The following CACNB2 variants were observed in gnomAD, a reference collection of about 807,000 sequenced individuals.
The protein encoded by CACNB2 is voltage-dependent L-type calcium channel subunit beta-2.
Under a neutral mutation model 73.3 loss-of-function variants are expected in CACNB2, and 42 were observed. That is an observed-to-expected ratio of 0.57 (90% CI 0.45 to 0.74). The LOEUF (loss-of-function observed/expected upper bound fraction) is 0.74, where lower values mean the gene tolerates loss of function less well. Among genes scored for constraint, CACNB2 ranks in the 30% least tolerant of loss-of-function variants. The pLI is 0.00. For missense variants in CACNB2, 940 were observed against 853.0 expected (o/e 1.10, Z -1.27); for synonymous variants, 348 against 310.3 (o/e 1.12, Z -1.28).
intron 3 of CACNB2, among the ~76,000 whole-genome samples, chr10:18,492,575 C>G (rs543477431): frequency 7.2e-6 from 1 of 138,054 alleles, no homozygotes; most frequent in Non-Finnish European, 1.5e-5. Context: ...GCGCCAAGAT[C>G]GCACCACTTC....
chr10:18,220,142 TATATATATATATACACAC>T (rs1304205430), intron 2 of CACNB2, among the ~76,000 whole-genome samples: 1 of 38,828 alleles, frequency 2.6e-5, no homozygotes, highest in African/African-American at 3.5e-4. Flanking sequence ...TATATATATA[TATATATATATATACACAC>T]ACACACACAC....
intron 2 of CACNB2, among the ~76,000 whole-genome samples, chr10:18,338,947 C>T (rs1483463840): frequency 6.6e-6 from 1 of 151,718 alleles, no homozygotes; most frequent in Admixed American, 6.6e-5. Context: ...CCTTTGTTGC[C>T]CAGGCTGGTT....
chr10:18,494,975 G>T (rs2049702251), intron 3 of CACNB2, among the ~76,000 whole-genome samples: 1 of 152,078 alleles, frequency 6.6e-6, no homozygotes, highest in African/African-American at 2.4e-5. Flanking sequence ...AGTGCACCTT[G>T]CTTTAGTGCT....
intron 3 of CACNB2, among the ~76,000 whole-genome samples, chr10:18,411,747 A>C (rs7070430): frequency 0.65 from 99,148 of 152,012 alleles, 33,598 homozygotes; most frequent in East Asian, 0.91. Flanking sequence ...ACCTCAAGTG[A>C]TCTGCCTGCC....
chr10:18,195,822 C>T (rs2034600415), intron 2 of CACNB2, among the ~76,000 whole-genome samples: 1 of 152,224 alleles, frequency 6.6e-6, no homozygotes, highest in African/African-American at 2.4e-5. Flanking sequence ...CTGTCGCTTT[C>T]TGTGTAATGT....
chr10:18,242,111 ATG>A (rs1554775803), intron 2 of CACNB2, among the ~76,000 whole-genome samples: 47 of 6,766 alleles, frequency 6.9e-3, no homozygotes, highest in Middle Eastern at 0.045. Context: ...ATATGTATAC[ATG>A]TGTGTGTGTG....
At chr10:18,407,681 A>C (rs114185935) in intron 3 of CACNB2, among the ~76,000 whole-genome samples, 1,604 of 152,006 alleles carry the variant, frequency 0.011, 39 homozygotes, top group African/African-American at 0.036. Flanking sequence ...ATTTGATTTG[A>C]GCCTCTGTGT....
chr10:18,446,344 A>C (rs1311135307), intron 3 of CACNB2, among the ~76,000 whole-genome samples: 1 of 152,206 alleles, frequency 6.6e-6, no homozygotes, highest in East Asian at 1.9e-4. Flanking sequence ...GCAGAATTTT[A>C]AGCAAACTAA....
chr10:18,248,111 G>T (rs375449355), intron 2 of CACNB2, among the ~76,000 whole-genome samples: 1 of 152,052 alleles, frequency 6.6e-6, no homozygotes, highest in South Asian at 2.1e-4. Context: ...TCAGACCACA[G>T]TACCTACCAA....
chr10:18,289,286 TTTTTTGTTTTG>T lies in CACNB2; in HGVS notation c.214-112632_214-112622del, dbSNP rs1165197888. 7.7e-4 allele frequency among the ~76,000 whole-genome samples: 76 copies of T among 98,880 alleles called. 10 individuals are homozygous for T. Among genetic ancestry groups the T allele is most frequent in the African/African-American group, 1.6e-3 (29 of 18,136 alleles). The allele number at this position is 98,880 out of a possible 152,430, so 64.9% of individuals were successfully genotyped here. On this transcript the variant is annotated intron_variant, in intron 2 of 13. Coordinates refer to ENST00000324631, the MANE Select transcript of CACNB2 (RefSeq NM_201596.3). ...AGTTGTCTTCATTTTTTTTTCTTGTTTTTTTGTTTTGTTTTTTTTTTTTTTTGAGATGGGGT... is the reference window on the plus strand; with the variant it reads ...AGTTGTCTTCATTTTTTTTTCTTGTTTTTTTTTTTTTTTTTGAGATGGGGT...
At chr10:18,426,556 C>T (rs1170411682) in intron 3 of CACNB2, among the ~76,000 whole-genome samples, 1 of 152,176 alleles carries the variant, frequency 6.6e-6, no homozygotes, top group Non-Finnish European at 1.5e-5. Flanking sequence ...AATTCTATTT[C>T]TGGTTGAGCA....
At position 18,183,326 on chromosome 10, in the gene CACNB2, C is replaced by A. The variant is rs150998433; in HGVS notation, c.213+32351C>A. 1.2e-4 allele frequency among the ~76,000 whole-genome samples: 18 copies of A among 144,904 alleles called. No individual in the cohort carries two copies. In the East Asian group the frequency reaches 3.6e-3, roughly 29 times the overall value. On this transcript the variant is annotated intron_variant, in intron 2 of 13. Coordinates refer to ENST00000324631, the MANE Select transcript of CACNB2 (RefSeq NM_201596.3). ...TTTCTGTCCTCTCCTTCTGCCTGTT[C>A]TTTTTTATTATTTTTTTTCATTAAA...
intron 3 of CACNB2, among the ~76,000 whole-genome samples, chr10:18,444,947 C>G (rs1418184698): frequency 6.6e-6 from 1 of 152,132 alleles, no homozygotes; most frequent in Non-Finnish European, 1.5e-5. Flanking sequence ...TATGGTTTTA[C>G]CATTTGTTTT....
At chr10:18,174,548 T>C (rs1490165895) in intron 2 of CACNB2, among the ~76,000 whole-genome samples, 4 of 151,794 alleles carry the variant, frequency 2.6e-5, no homozygotes, top group East Asian at 3.9e-4. Flanking sequence ...GGATTACAGG[T>C]GCCTGCCCCC....
intron 2 of CACNB2, among the ~76,000 whole-genome samples, chr10:18,220,156 C>T (rs2489203): frequency 0.099 from 1,583 of 16,030 alleles, 48 homozygotes; most frequent in Non-Finnish European, 0.14. Context: ...TATATATATA[C>T]ACACACACAC....
At chr10:18,448,624 G>T (rs1229722102) in intron 3 of CACNB2, among the ~76,000 whole-genome samples, 1 of 152,072 alleles carries the variant, frequency 6.6e-6, no homozygotes, top group African/African-American at 2.4e-5. Context: ...ACTGGGTACA[G>T]CCTAAGAACC....
At chr10:18,403,605 T>C (rs892229608) in intron 3 of CACNB2, among the ~76,000 whole-genome samples, 3 of 152,214 alleles carry the variant, frequency 2.0e-5, no homozygotes, top group Non-Finnish European at 2.9e-5. Flanking sequence ...CATGACTCTG[T>C]GGCTGTGTCA....
Position 18,534,067 on chromosome 10 carries a change from C to T in CACNB2, c.1055-9C>T, listed in dbSNP as rs773938096. 6.2e-7 allele frequency: 1 copy of T among 1,613,916 alleles called. No homozygotes were observed. On this transcript the variant is annotated splice_polypyrimidine_tract_variant and intron_variant, in intron 10 of 13. Transcript: ENST00000324631. Reference sequence around the variant, plus strand: ...CTGCACTTTAACTGAATTGTTTCGCCCTTTACAGCGGAAGTTCAGAGTGAA... The same window carrying T: ...CTGCACTTTAACTGAATTGTTTCGCTCTTTACAGCGGAAGTTCAGAGTGAA...
At chr10:18,498,190 A>C (rs2049952340) in intron 3 of CACNB2, among the ~76,000 whole-genome samples, 165 bp from the exon 4 acceptor site, 1 of 152,210 alleles carries the variant, frequency 6.6e-6, no homozygotes, top group Non-Finnish European at 1.5e-5. Context: ...GGGAGATTTC[A>C]AGTGTTTTGA....
Sources: gnomAD v4.1 joint callset for allele counts (sites outside exome capture counted in the v4.1 genomes callset) on GRCh38, gnomAD v4.1.1 for gene constraint, MANE v1.5 for transcripts, NCBI Gene and HGNC (gene_info 2026-07-23, HGNC 2026-07-21) for gene names.